EIF3H: variants seen among roughly 807,000 people sequenced by gnomAD.
EIF3H encodes the protein eukaryotic translation initiation factor 3 subunit H.
A neutral mutation model predicts 44.2 loss-of-function variants in EIF3H; 26 were observed. The observed-to-expected ratio is 0.59, with a 90% CI of 0.43 to 0.82. EIF3H has a LOEUF of 0.82. Among genes scored for constraint, EIF3H ranks in the 40% least tolerant of loss-of-function variants. The pLI is 0.00. For missense variants in EIF3H, 359 were observed against 432.8 expected (o/e 0.83, Z 1.51); for synonymous variants, 166 against 151.9 (o/e 1.09, Z -0.68).
Position 116,644,908 on chromosome 8 carries a change from CTCTGTGCTTT to C in EIF3H, c.*88_*97del. ...AATCGGCAATGACACTAAAGAAATC[CTCTGTGCTTT>C]TCAATATGCAAATATATTTCTTCCA... On this transcript the variant is annotated 3_prime_UTR_variant, in exon 8 of 8. Transcript: ENST00000521861. 2.1e-6 allele frequency: 2 copies of C among 961,156 alleles called. No homozygotes were observed. Among genetic ancestry groups the C allele is most frequent in the Admixed American group, 4.7e-5 (2 of 42,732 alleles). The allele number at this position is 961,156 out of a possible 1,614,324, so 59.5% of individuals were successfully genotyped here.
At chr8:116,648,134 T>C (rs866717015) in intron 6 of EIF3H, among the ~76,000 whole-genome samples, 1 of 152,190 alleles carries the variant, frequency 6.6e-6, no homozygotes, top group Non-Finnish European at 1.5e-5. Flanking sequence ...AGAGTAGTCA[T>C]ATATAAATAC....
intron 1 of EIF3H, among the ~76,000 whole-genome samples, chr8:116,744,164 A>C (rs1019303185): frequency 6.6e-6 from 1 of 151,726 alleles, no homozygotes; most frequent in South Asian, 2.1e-4. Context: ...ACTAATGGAC[A>C]GGAAATAAAA....
At chr8:116,666,498 A>G (rs1813668626) in intron 2 of EIF3H, among the ~76,000 whole-genome samples, 1 of 152,164 alleles carries the variant, frequency 6.6e-6, no homozygotes, top group African/African-American at 2.4e-5. Flanking sequence ...CTTTGAGGTT[A>G]TAACAATCTG....
At chr8:116,708,626 G>A (rs1814511986) in intron 2 of EIF3H, among the ~76,000 whole-genome samples, 1 of 151,894 alleles carries the variant, frequency 6.6e-6, no homozygotes, top group African/African-American at 2.4e-5. Context: ...ATTCACTATG[G>A]GTAAAGTAGT....
intron 2 of EIF3H, among the ~76,000 whole-genome samples, chr8:116,710,847 C>T (rs1035760315): frequency 6.6e-6 from 1 of 152,180 alleles, no homozygotes; most frequent in Non-Finnish European, 1.5e-5. Flanking sequence ...AAAAGTTCCT[C>T]CTGTGATTCT....
At chr8:116,649,008 A>G in intron 5 of EIF3H, 82 bp from the exon 6 acceptor site, 3 of 1,251,418 alleles carry the variant, frequency 2.4e-6, no homozygotes, top group Non-Finnish European at 3.2e-6. Flanking sequence ...TAAGATATGA[A>G]CTTGAACTGG....
intron 7 of EIF3H, 89 bp downstream of exon 7, chr8:116,646,382 G>A (rs1286947310): frequency 1.3e-6 from 2 of 1,570,438 alleles, no homozygotes; most frequent in East Asian, 2.2e-5. Context: ...AGCTTTTACG[G>A]CATGCTTTTC....
At chr8:116,715,206 T>G (rs2130906882) in intron 2 of EIF3H, among the ~76,000 whole-genome samples, 1 of 152,222 alleles carries the variant, frequency 6.6e-6, no homozygotes, top group East Asian at 1.9e-4. Flanking sequence ...GGATTGATTC[T>G]ACAACTCTGC....
chr8:116,677,013 A>C (rs985976687), intron 2 of EIF3H, among the ~76,000 whole-genome samples: 1 of 152,204 alleles, frequency 6.6e-6, no homozygotes, highest in African/African-American at 2.4e-5. Flanking sequence ...AAAAGAAATA[A>C]CATACACAAA....
At chr8:116,681,390 G>C (rs181410118) in intron 2 of EIF3H, among the ~76,000 whole-genome samples, 1 of 151,384 alleles carries the variant, frequency 6.6e-6, no homozygotes, top group Non-Finnish European at 1.5e-5. Flanking sequence ...CTCTATGACC[G>C]GGCACAGTGG....
At chr8:116,680,766 T>C (rs1813970947) in intron 2 of EIF3H, among the ~76,000 whole-genome samples, 1 of 146,276 alleles carries the variant, frequency 6.8e-6, no homozygotes. Flanking sequence ...TTCCCTCCAC[T>C]ATTGTCCTAT....
intron 1 of EIF3H, among the ~76,000 whole-genome samples, chr8:116,730,880 A>G (rs1271542294): frequency 6.6e-6 from 1 of 152,202 alleles, no homozygotes; most frequent in African/African-American, 2.4e-5. Flanking sequence ...AATCCTTACA[A>G]CCACCCTGTG....
At chr8:116,736,466 C>T (rs1815042382) in intron 1 of EIF3H, among the ~76,000 whole-genome samples, 1 of 152,122 alleles carries the variant, frequency 6.6e-6, no homozygotes, top group Non-Finnish European at 1.5e-5. Context: ...TTGAGACCAT[C>T]CTGACTAACA....
intron 1 of EIF3H, among the ~76,000 whole-genome samples, chr8:116,751,263 A>G (rs1347731561): frequency 6.6e-6 from 1 of 151,962 alleles, no homozygotes; most frequent in Non-Finnish European, 1.5e-5. Flanking sequence ...TATGAATGGT[A>G]GACTGAAGAA....
chr8:116,671,999 A>T (rs1586444942), intron 2 of EIF3H, among the ~76,000 whole-genome samples: 1 of 152,364 alleles, frequency 6.6e-6, no homozygotes, highest in East Asian at 1.9e-4. Flanking sequence ...AAAATAGTTT[A>T]AAAATAACCT....
intron 2 of EIF3H, chr8:116,689,246 T>C (rs1276119411): frequency 6.8e-6 from 2 of 295,422 alleles, no homozygotes; most frequent in South Asian, 2.7e-5. Flanking sequence ...AAAGACAGAA[T>C]GTAGATTTGA....
intron 1 of EIF3H, among the ~76,000 whole-genome samples, chr8:116,738,877 AAGTT>A (rs1432970154): frequency 1.3e-5 from 2 of 152,250 alleles, no homozygotes. Flanking sequence ...ACTAACTTAA[AAGTT>A]AAGTAAATCT....
rs557766757 is a variant in EIF3H, at chr8:116,716,842, G to A, written c.289+9174C>T. Among the ~76,000 whole-genome samples, 61 of 151,878 alleles carry A rather than the reference G, an allele frequency of 4.0e-4. 1 individual carries two copies. The South Asian group carries it at 0.012, about 30-fold the overall frequency. On this transcript the variant is annotated intron_variant, in intron 2 of 7. Transcript: ENST00000521861. Reference sequence around the variant, plus strand: ...AACCATTTATTAACATTTCACTTTTGGACAACAGATTAAAAATCTCCTCTT... The same window carrying A: ...AACCATTTATTAACATTTCACTTTTAGACAACAGATTAAAAATCTCCTCTT...
At chr8:116,711,493 G>A (rs888563701) in intron 2 of EIF3H, among the ~76,000 whole-genome samples, 4 of 152,086 alleles carry the variant, frequency 2.6e-5, no homozygotes, top group Non-Finnish European at 5.9e-5. Context: ...AATAATCCTG[G>A]TAATAGACTT....
Sources: allele counts gnomAD v4.1 joint callset (sites outside exome capture counted in the v4.1 genomes callset), GRCh38; gene constraint gnomAD v4.1.1; transcripts MANE v1.5; gene names NCBI Gene and HGNC (gene_info 2026-07-23, HGNC 2026-07-21).